ASB13: variants seen among roughly 807,000 people sequenced by gnomAD.
ASB13 encodes ankyrin repeat and SOCS box containing 13, also known as ankyrin repeat and SOCS box protein 13.
ASB13 carries 33 observed loss-of-function variants against 28.8 expected under a neutral mutation model. The observed-to-expected ratio is 1.15, with a 90% CI of 0.87 to 1.53. The LOEUF (loss-of-function observed/expected upper bound fraction) is 1.53, where lower values mean the gene tolerates loss of function less well. Ranked by LOEUF, ASB13 falls within the 40% of genes most tolerant of loss-of-function variation. ASB13 has a pLI of 0.00. For synonymous variants in ASB13, 182 were observed against 172.9 expected, an observed-to-expected ratio of 1.05 and a Z score of -0.41; for missense variants, 414 against 390.1, an observed-to-expected ratio of 1.06 and a Z score of -0.52.
chr10:5,665,998 C>T (rs1175797946), intron 1 of ASB13, among the ~76,000 whole-genome samples: 1 of 152,192 alleles, frequency 6.6e-6, no homozygotes, highest in Non-Finnish European at 1.5e-5. Flanking sequence ...CGGGGTGCCC[C>T]AAGGCCACCT....
Position 5,642,030 on chromosome 10 carries a change from C to T in ASB13, c.518-69G>A, listed in dbSNP as rs1335470477. 4.7e-6 allele frequency: 7 copies of T among 1,480,782 alleles called. No homozygotes were observed. In the Admixed American group the frequency reaches 1.1e-4, roughly 24 times the overall value. The allele number at this position is 1,480,782 out of a possible 1,614,324, so 91.7% of individuals were successfully genotyped here. A position where few individuals can be genotyped will look rare whatever the true frequency, so the allele number is the denominator to read the frequency against. On this transcript the variant is annotated intron_variant, in intron 4 of 5. Transcript: ENST00000357700. The surrounding 1 kb of genome is among the most constrained non-coding windows in gnomAD (Gnocchi z 4.1). ...TTGAAGTCAGGGGGACAATCAGGTC[C>T]GTTTCGTCACACAGCACGGTGGCAG...
Position 5,649,811 on chromosome 10 carries a change from G to A in ASB13, c.383-707C>T, listed in dbSNP as rs1834956664. On this transcript the variant is annotated intron_variant, in intron 3 of 5. Transcript: ENST00000357700. This position sits in a 1 kb window ranked among gnomAD's most constrained non-coding sequence, Gnocchi z 6.4. ...AAAGTGCTGGGATTACCAAGGGCATGAGCCACAGCGCCCGGCCTCTCCTGC... is the reference window on the plus strand; with the variant it reads ...AAAGTGCTGGGATTACCAAGGGCATAAGCCACAGCGCCCGGCCTCTCCTGC... Among the ~76,000 whole-genome samples the A allele has an allele frequency of 6.6e-6, 1 of 152,000 alleles. No individual in the cohort carries two copies.
chr10:5,649,237 A>G lies in ASB13; in HGVS notation c.383-133T>C, dbSNP rs1303217381. 3.2e-6 allele frequency: 4 copies of G among 1,265,010 alleles called. No homozygotes were observed. Among genetic ancestry groups the G allele is most frequent in the African/African-American group, 1.5e-5 (1 of 68,162 alleles). 78.4% of individuals were successfully genotyped at this position (1,265,010 alleles called of 1,614,324 possible). On this transcript the variant is annotated intron_variant, in intron 3 of 5. Transcript: ENST00000357700. The surrounding 1 kb of genome is among the most constrained non-coding windows in gnomAD (Gnocchi z 6.4). ...GGAAGCCAGGCAGGCCTGCGTCCCA[A>G]CCTAGGGAGGAGTTCATGACCCGCA... is the stretch of plus-strand genomic sequence containing the variant.
At chr10:5,646,594 G>A (rs1486629839) in intron 4 of ASB13, among the ~76,000 whole-genome samples, 2 of 152,286 alleles carry the variant, frequency 1.3e-5, no homozygotes, top group African/African-American at 4.8e-5. Context: ...CGGAACCTCC[G>A]GTCCAGCCGC....
In ASB13 at chr10:5,649,164, C is replaced by T. The variant is rs1175027117; in HGVS notation, c.383-60G>A. On this transcript the variant is annotated intron_variant, in intron 3 of 5. Transcript: ENST00000357700. This position sits in a 1 kb window ranked among gnomAD's most constrained non-coding sequence, Gnocchi z 6.4. ...GAATACGGACACTGGAGACAACAAG[C>T]ACACAGACGCGGCAGGGGCAGCAGC... is the stretch of plus-strand genomic sequence containing the variant. The T allele has an allele frequency of 1.9e-6, 3 of 1,603,768 alleles. No homozygotes were observed. Among genetic ancestry groups the T allele is most frequent in the Non-Finnish European group, 2.6e-6 (3 of 1,175,162 alleles).
rs1057438534 is a variant in ASB13, at chr10:5,661,186, G to C, written c.43+5323C>G. On this transcript the variant is annotated intron_variant, in intron 1 of 5. Transcript: ENST00000357700. This position sits in a 1 kb window ranked among gnomAD's most constrained non-coding sequence, Gnocchi z 4.9. The stretch of plus-strand genomic sequence containing the variant: ...CCTGTGTCTAGGAGGCAGCTGGCCT[G>C]CTGGCCCCTGCACACTGCAGAGCTG... Among the ~76,000 whole-genome samples, 1 of 152,084 alleles carries C rather than the reference G, an allele frequency of 6.6e-6. No individual in the cohort carries two copies. Among genetic ancestry groups the C allele is most frequent in the Non-Finnish European group, 1.5e-5 (1 of 68,012 alleles).
At chr10:5,654,356 C>A (rs3750641) in intron 1 of ASB13, among the ~76,000 whole-genome samples, 8 of 151,894 alleles carry the variant, frequency 5.3e-5, no homozygotes, top group Admixed American at 5.2e-4. Flanking sequence ...CCTGCTGAGC[C>A]ATCTGGCTAC....
At position 5,644,204 on chromosome 10, in the gene ASB13, A is replaced by T. The variant is rs1834849077; in HGVS notation, c.518-2243T>A. On this transcript the variant is annotated intron_variant, in intron 4 of 5. Coordinates refer to ENST00000357700, the MANE Select transcript of ASB13 (RefSeq NM_024701.4). This position sits in a 1 kb window ranked among gnomAD's most constrained non-coding sequence, Gnocchi z 5.1. ...TCGATCAGCTATGTTCATTAAAAAT[A>T]TATGCTTGGGCCAGGTACAGGGCTC... 1.3e-5 allele frequency among the ~76,000 whole-genome samples: 2 copies of T among 152,236 alleles called. No individual in the cohort carries two copies.
In ASB13 at chr10:5,644,311, T is replaced by C. The variant is rs367615503; in HGVS notation, c.518-2350A>G. Among the ~76,000 whole-genome samples, 2 of 152,058 alleles carry C rather than the reference T, an allele frequency of 1.3e-5. No homozygotes were observed. Among genetic ancestry groups the C allele is most frequent in the South Asian group, 2.1e-4 (1 of 4,828 alleles). On this transcript the variant is annotated intron_variant, in intron 4 of 5. Transcript: ENST00000357700. This position sits in a 1 kb window ranked among gnomAD's most constrained non-coding sequence, Gnocchi z 5.1. ...GAAATCGAGACCAGCCTGCGCAACATAGTGAGACCCTAGCTCTACAAAAAT... is the reference window on the plus strand; with the variant it reads ...GAAATCGAGACCAGCCTGCGCAACACAGTGAGACCCTAGCTCTACAAAAAT...
At position 5,660,709 on chromosome 10, in the gene ASB13, C is replaced by T. The variant is rs1225180778; in HGVS notation, c.43+5800G>A. 1.3e-5 allele frequency among the ~76,000 whole-genome samples: 2 copies of T among 152,200 alleles called. No homozygotes were observed. The highest frequency in any genetic ancestry group is 6.5e-5 in the Admixed American group (1 of 15,268). Reference sequence around the variant, plus strand: ...TACCCTACCAGTCCTGTGGGGAGGGCAGGTGCGGGTTCTACCATCTCATCT... The same window carrying T: ...TACCCTACCAGTCCTGTGGGGAGGGTAGGTGCGGGTTCTACCATCTCATCT... On this transcript the variant is annotated intron_variant, in intron 1 of 5. Transcript: ENST00000357700. The surrounding 1 kb of genome is among the most constrained non-coding windows in gnomAD (Gnocchi z 6.1).
At position 5,659,533 on chromosome 10, in the gene ASB13, G is replaced by A. The variant is rs1012649714; in HGVS notation, c.44-6483C>T. The stretch of plus-strand genomic sequence containing the variant: ...CCAGTGGCTGCAAGTCCCATGCTTT[G>A]CGTATGCTGTTCCTTCCCCTGCCTG... On this transcript the variant is annotated intron_variant, in intron 1 of 5. Transcript: ENST00000357700. The surrounding 1 kb of genome is among the most constrained non-coding windows in gnomAD (Gnocchi z 5.8). 2.6e-5 allele frequency among the ~76,000 whole-genome samples: 4 copies of A among 152,178 alleles called. No homozygotes were observed. The highest frequency in any genetic ancestry group is 6.5e-5 in the Admixed American group (1 of 15,276).
Position 5,663,810 on chromosome 10 carries a change from T to C in ASB13, c.43+2699A>G. On this transcript the variant is annotated intron_variant, in intron 1 of 5. Coordinates refer to ENST00000357700, the MANE Select transcript of ASB13 (RefSeq NM_024701.4). This position sits in a 1 kb window ranked among gnomAD's most constrained non-coding sequence, Gnocchi z 4.9. ...TTTGAATTCCTATTTTAGGATAAAA[T>C]AGCCGCCCACTCCAAGTAACTCTCT... 6.6e-6 allele frequency among the ~76,000 whole-genome samples: 1 copy of C among 152,104 alleles called. No individual in the cohort carries two copies. Among genetic ancestry groups the C allele is most frequent in the East Asian group, 1.9e-4 (1 of 5,188 alleles).
Position 5,651,459 on chromosome 10 carries a change from T to C in ASB13, c.232-96A>G. ...AGGTTCATCTTTGCTAAGATGCTTCTTAGAAGCACCGGTTTGCTTTGCTAT... is the reference window on the plus strand; with the variant it reads ...AGGTTCATCTTTGCTAAGATGCTTCCTAGAAGCACCGGTTTGCTTTGCTAT... On this transcript the variant is annotated intron_variant, in intron 2 of 5. Transcript: ENST00000357700. The surrounding 1 kb of genome is among the most constrained non-coding windows in gnomAD (Gnocchi z 5.1). 1 of 1,355,270 alleles carries C rather than the reference T, an allele frequency of 7.4e-7. No homozygotes were observed. Among genetic ancestry groups the C allele is most frequent in the Admixed American group, 2.5e-5 (1 of 40,074 alleles). The allele number at this position is 1,355,270 out of a possible 1,614,324, so 84.0% of individuals were successfully genotyped here. A position where few individuals can be genotyped will look rare whatever the true frequency, so the allele number is the denominator to read the frequency against.
chr10:5,643,264 A>G (rs1480267369), intron 4 of ASB13, among the ~76,000 whole-genome samples: 1 of 152,224 alleles, frequency 6.6e-6, no homozygotes, highest in Non-Finnish European at 1.5e-5. Flanking sequence ...CAGAGGGTCA[A>G]AAGAGGAGCT....
rs537412704 is a variant in ASB13 at position 5,649,359 on chromosome 10, G to C, written c.383-255C>G. 6.6e-6 allele frequency among the ~76,000 whole-genome samples: 1 copy of C among 152,264 alleles called. No individual in the cohort carries two copies. Among genetic ancestry groups the C allele is most frequent in the African/African-American group, 2.4e-5 (1 of 41,554 alleles). ...GGGCCTGGCCGGCTTCTTGCTGTGA[G>C]AACAGAAGACATGGGGCACCACCTA... On this transcript the variant is annotated intron_variant, in intron 3 of 5. Coordinates refer to ENST00000357700, the MANE Select transcript of ASB13 (RefSeq NM_024701.4). This position sits in a 1 kb window ranked among gnomAD's most constrained non-coding sequence, Gnocchi z 6.4.
At chr10:5,647,712 A>C (rs1262105924) in intron 4 of ASB13, among the ~76,000 whole-genome samples, 2 of 152,212 alleles carry the variant, frequency 1.3e-5, no homozygotes, top group African/African-American at 4.8e-5. Context: ...TTCTCCCAGC[A>C]ACCTGCAGCA....
rs971304034 is a variant in ASB13 at position 5,649,170 on chromosome 10, G to A, written c.383-66C>T. Reference sequence around the variant, plus strand: ...GGACACTGGAGACAACAAGCACACAGACGCGGCAGGGGCAGCAGCCTCCAT... The same window carrying A: ...GGACACTGGAGACAACAAGCACACAAACGCGGCAGGGGCAGCAGCCTCCAT... On this transcript the variant is annotated intron_variant, in intron 3 of 5. Transcript: ENST00000357700. This position sits in a 1 kb window ranked among gnomAD's most constrained non-coding sequence, Gnocchi z 6.4. The A allele has an allele frequency of 9.1e-5, 146 of 1,599,446 alleles. No homozygotes were observed. The highest frequency in any genetic ancestry group is 1.1e-4 in the Non-Finnish European group (132 of 1,172,702).
rs779980191 is a variant in ASB13, at chr10:5,652,864, T to C, written c.230A>G (p.Gln77Arg). The change falls in exon 2 of 6, where the codon CAG becomes CGG. Residue 77 changes from glutamine to arginine, a missense_variant and splice_region_variant. Gln to Arg is a conservative substitution (Grantham distance 43). Transcript: ENST00000357700. The surrounding 1 kb of genome is among the most constrained non-coding windows in gnomAD (Gnocchi z 5.0). ...CVQLLLAAGA[Q>R]VDARNIDGST... ...GGTCTGCCCTGAAGGGCCACTCACC[T>C]GGGCCCCAGCCGCCAGCAGCAGCTG... is the stretch of plus-strand genomic sequence containing the variant. 6.5e-6 allele frequency: 10 copies of C among 1,540,562 alleles called. No individual in the cohort carries two copies. The highest frequency in any genetic ancestry group is 8.8e-6 in the Non-Finnish European group (10 of 1,141,638).
rs914875053 is a variant in ASB13, at chr10:5,640,381, C to G, written c.*322G>C. On this transcript the variant is annotated 3_prime_UTR_variant, in exon 6 of 6. Transcript: ENST00000357700. ...CCAGCCTCCTCTGTGCTCCCCACGC[C>G]GTCTGTCCTGAGAGTGCCTTTGAGG... 8.8e-6 allele frequency: 2 copies of G among 226,784 alleles called. No homozygotes were observed. Among genetic ancestry groups the G allele is most frequent in the African/African-American group, 4.6e-5 (2 of 43,846 alleles). The allele number at this position is 226,784 out of a possible 1,614,324, so 14.0% of individuals were successfully genotyped here. A position where few individuals can be genotyped will look rare whatever the true frequency, so the allele number is the denominator to read the frequency against.
Sources: gnomAD v4.1 joint callset for allele counts (sites outside exome capture counted in the v4.1 genomes callset) on GRCh38, gnomAD v4.1.1 for gene constraint, Gnocchi (gnomAD v3.1) non-coding constraint, MANE v1.5 for transcripts, NCBI Gene and HGNC (gene_info 2026-07-23, HGNC 2026-07-21) for gene names.